PDLIM2: variants seen among roughly 807,000 people sequenced by gnomAD.
PDLIM2 encodes the protein PDZ and LIM domain 2, also known as PDZ and LIM domain protein 2.
PDLIM2 carries 51 observed loss-of-function variants against 54.1 expected under a neutral mutation model. The observed-to-expected ratio is 0.94, with a 90% confidence interval of 0.75 to 1.19. The LOEUF (loss-of-function observed/expected upper bound fraction) is 1.19, where lower values mean the gene tolerates loss of function less well. PDLIM2 is among the 50% of genes most tolerant of loss of function. The pLI is 0.00. For synonymous variants in PDLIM2, 398 were observed against 385.6 expected, an observed-to-expected ratio of 1.03 and a Z score of -0.38; for missense variants, 912 against 874.0, an observed-to-expected ratio of 1.04 and a Z score of -0.55.
At chr8:22,595,432 G>C (rs1345411911), downstream of PDLIM2, 4 of 152,216 alleles carry the variant, frequency 2.6e-5, no homozygotes, top group Non-Finnish European at 1.5e-5. Flanking sequence ...GCCCATTCAC[G>C]GGGCAACACT....
exon 1 of PDLIM2, chr8:22,579,067 C>T: frequency 8.0e-7 from 1 of 1,249,866 alleles, no homozygotes; most frequent in Non-Finnish European, 1.0e-6. Flanking sequence ...GGGGCGGCGG[C>T]AGGGGCGGCC....
At chr8:22,594,418 C>G, downstream of PDLIM2, 1 of 1,580,352 alleles carries the variant, frequency 6.3e-7, no homozygotes. Flanking sequence ...TCCCTCAAAT[C>G]CCACCCCTGC....
At chr8:22,594,327 C>T (rs922462444), downstream of PDLIM2, 45 of 1,431,246 alleles carry the variant, frequency 3.1e-5, no homozygotes, top group African/African-American at 2.0e-4. Context: ...TTTTTCCTAC[C>T]GCCAGCCCTG....
At chr8:22,581,352 G>A in intron 2 of PDLIM2, 27 bp from the exon 2 acceptor site, 2 of 1,576,732 alleles carry the variant, frequency 1.3e-6, no homozygotes, top group Admixed American at 1.8e-5. Context: ...GCCACGGTCT[G>A]AGCATGCCAG....
chr8:22,578,892 G>T, exon 1 of PDLIM2: 1 of 1,238,164 alleles, frequency 8.1e-7, no homozygotes, highest in Non-Finnish European at 1.0e-6. Context: ...TGTGCTCCGG[G>T]CAGTCGGGGG....
chr8:22,578,965 C>T, exon 1 of PDLIM2: 1 of 1,241,382 alleles, frequency 8.1e-7, no homozygotes, highest in Non-Finnish European at 1.0e-6. Context: ...CTGCAGGGGG[C>T]CCTGGGGACA....
At chr8:22,578,885 G>T in exon 1 of PDLIM2, 18 of 1,238,396 alleles carry the variant, frequency 1.5e-5, no homozygotes, top group Non-Finnish European at 1.8e-5. Flanking sequence ...GCTCTGCTGT[G>T]CTCCGGGCAG....
At chr8:22,590,124 G>GC in intron 8 of PDLIM2, 1 of 197,416 alleles carries the variant, frequency 5.1e-6, no homozygotes, top group Non-Finnish European at 1.0e-5. Context: ...TAAGAGGGTG[G>GC]CAGGAAGCAC....
At chr8:22,591,708 G>A in intron 9 of PDLIM2, 40 bp downstream of exon 8, 1 of 1,548,138 alleles carries the variant, frequency 6.5e-7, no homozygotes, top group Non-Finnish European at 8.8e-7. Context: ...GCCTTCACAG[G>A]GGAGTGGGGA....
intron 7 of PDLIM2, 23 bp downstream of exon 6, chr8:22,589,397 C>T (rs566888072): frequency 1.0e-5 from 16 of 1,535,758 alleles, no homozygotes; most frequent in Non-Finnish European, 1.4e-5. Flanking sequence ...CCCGGAGGGT[C>T]GGGTTGGGGT....
At chr8:22,586,548 G>C (rs1489421651) in intron 6 of PDLIM2, among the ~76,000 whole-genome samples, 4 of 152,140 alleles carry the variant, frequency 2.6e-5, no homozygotes, top group African/African-American at 9.7e-5. Context: ...CCGACATGCT[G>C]GGAGATGGAG....
At chr8:22,588,116 C>A (rs1800431803) in intron 6 of PDLIM2, 1 of 152,300 alleles carries the variant, frequency 6.6e-6, no homozygotes, top group African/African-American at 2.4e-5. Flanking sequence ...CCCTGGAGCC[C>A]AGGTGTGGAG....
At chr8:22,585,506 A>AT in intron 6 of PDLIM2, 107 bp downstream of exon 5, 5 of 1,109,276 alleles carry the variant, frequency 4.5e-6, no homozygotes, top group Non-Finnish European at 6.5e-6. Flanking sequence ...CTGGGCAGCC[A>AT]TGGCCTCCTT....
chr8:22,597,798 C>G (rs570567107), downstream of PDLIM2: 1 of 152,436 alleles, frequency 6.6e-6, no homozygotes, highest in East Asian at 1.9e-4. Context: ...AGACCCAGCA[C>G]TCTGGTTCTC....
intron 6 of PDLIM2, chr8:22,588,990 T>C: frequency 1.9e-6 from 1 of 528,092 alleles, no homozygotes; most frequent in Non-Finnish European, 3.4e-6. Flanking sequence ...CAGAGGACTC[T>C]GTGCTTAGCT....
intron 3 of PDLIM2, among the ~76,000 whole-genome samples, chr8:22,583,296 G>C (rs1324665784): frequency 6.6e-6 from 1 of 152,042 alleles, no homozygotes; most frequent in Non-Finnish European, 1.5e-5. Context: ...TTGTTTAACT[G>C]GGGAGACCCC....
chr8:22,580,587 G>A lies in PDLIM2; in HGVS notation c.749-16G>A, dbSNP rs1348208459. The A allele has an allele frequency of 1.2e-6, 2 of 1,613,920 alleles. No individual in the cohort carries two copies. Among genetic ancestry groups the A allele is most frequent in the South Asian group, 2.2e-5 (2 of 91,078 alleles). On this transcript the variant is annotated splice_polypyrimidine_tract_variant and intron_variant, in intron 1 of 9. The change creates a premature stop within an existing upstream ORF in the 5' untranslated region. Transcript: ENST00000308354. ...CTAGGGGCATGGACTTCACCTCCTG[G>A]TCCTCTCTTCCTCAGGTATGGCGTT...
intron 6 of PDLIM2, among the ~76,000 whole-genome samples, chr8:22,586,937 A>G (rs933649969): frequency 6.6e-6 from 1 of 151,868 alleles, no homozygotes; most frequent in Non-Finnish European, 1.5e-5. Flanking sequence ...GTGTGGGGAG[A>G]CTCACTTGGG....
In PDLIM2 at chr8:22,580,821, C is replaced by T. The variant is rs1015142780; in HGVS notation, c.843+124C>T. ...GAGCTAGGGATCTGCTGCTGCCTGG[C>T]GTGCTGGCTGTAAGGGAGCCGTGGC... On this transcript the variant is annotated intron_variant, in intron 2 of 9. Coordinates refer to ENST00000308354, the Ensembl canonical transcript of PDLIM2. 6.7e-5 allele frequency: 74 copies of T among 1,096,908 alleles called. No individual in the cohort carries two copies. In the East Asian group the frequency reaches 1.2e-3, roughly 18 times the overall value. 67.9% of individuals were successfully genotyped at this position (1,096,908 alleles called of 1,614,324 possible).
Sources: allele counts gnomAD v4.1 joint callset (sites outside exome capture counted in the v4.1 genomes callset), GRCh38; gene constraint gnomAD v4.1.1; transcripts MANE v1.5; gene names NCBI Gene and HGNC (gene_info 2026-07-23, HGNC 2026-07-21).